The following CACNA1E variants were observed in gnomAD, a reference collection of about 807,000 sequenced individuals.
CACNA1E encodes calcium voltage-gated channel subunit alpha1 E.
In CACNA1E, 40 loss-of-function variants were observed where a neutral mutation model predicts 259.2. The ratio of observed to expected loss-of-function variants is 0.15; its 90% confidence interval spans 0.12 to 0.20. The LOEUF (loss-of-function observed/expected upper bound fraction) is 0.20, where lower values mean the gene tolerates loss of function less well. CACNA1E is among the 10% of genes least tolerant of loss of function. The probability of loss-of-function intolerance (pLI) is 1.00; values close to 1 mark genes in which losing one functional copy is unlikely to be tolerated. For missense variants in CACNA1E, 1,874 were observed against 3,040.1 expected (o/e 0.62, Z 9.02); for synonymous variants, 1,104 against 1,138.5 (o/e 0.97, Z 0.61).
At position 181,579,086 on chromosome 1, in the gene CACNA1E, T is replaced by C. The variant is rs1376508293; in HGVS notation, c.631T>C (p.Leu211=). ...CTTCCTTCTAGGCCTGCAGATTGTG[T>C]TGAAGTCCATCATGAAGGCCATGGT... ...VSGIPSLQIV[L]KSIMKAMVPL... Residue 211 remains leucine (L), a synonymous_variant, in exon 5 of 48, where the codon TTG becomes CTG. Transcript: ENST00000367573. 6 of 1,611,432 alleles carry C rather than the reference T, an allele frequency of 3.7e-6. No homozygotes were observed. The highest frequency in any genetic ancestry group is 5.1e-6 in the Non-Finnish European group (6 of 1,178,764).
intron 35 of CACNA1E, among the ~76,000 whole-genome samples, chr1:181,767,846 A>T (rs1490239846): frequency 6.6e-6 from 1 of 152,256 alleles, no homozygotes; most frequent in Non-Finnish European, 1.5e-5. Context: ...TGTAACGTTC[A>T]TGAAGTCCTG....
chr1:181,625,042 G>A (rs1656055097), intron 6 of CACNA1E, among the ~76,000 whole-genome samples: 1 of 120,824 alleles, frequency 8.3e-6, no homozygotes, highest in Non-Finnish European at 1.6e-5. Flanking sequence ...TATTTTGAAA[G>A]GAATCTTTTT....
chr1:181,512,432 A>G (rs941320519), intron 3 of CACNA1E, among the ~76,000 whole-genome samples: 1 of 152,088 alleles, frequency 6.6e-6, no homozygotes, highest in African/African-American at 2.4e-5. Flanking sequence ...AAAAGAAGAG[A>G]GTGACTTAGA....
chr1:181,713,357 G>A (rs937813382), intron 8 of CACNA1E, among the ~76,000 whole-genome samples: 4 of 152,188 alleles, frequency 2.6e-5, no homozygotes, highest in Non-Finnish European at 4.4e-5. Flanking sequence ...CTCCAAACAC[G>A]TGCTATAAAA....
chr1:181,703,302 C>T lies in CACNA1E; in HGVS notation c.1056-7652C>T, dbSNP rs1296279018. 2.6e-5 allele frequency among the ~76,000 whole-genome samples: 4 copies of T among 152,170 alleles called. No individual in the cohort carries two copies. The South Asian group carries it at 8.3e-4, about 32-fold the overall frequency. Reference sequence around the variant, plus strand: ...TACCTTGCACATTCTATCATTTAATCCTCACAACAACCTTTTGAGATAGGT... The same window carrying T: ...TACCTTGCACATTCTATCATTTAATTCTCACAACAACCTTTTGAGATAGGT... On this transcript the variant is annotated intron_variant, in intron 7 of 47. Transcript: ENST00000367573.
intron 3 of CACNA1E, among the ~76,000 whole-genome samples, chr1:181,536,530 A>C (rs1237867044): frequency 3.3e-5 from 5 of 152,190 alleles, no homozygotes; most frequent in Non-Finnish European, 7.4e-5. Context: ...ATATGTCTTC[A>C]TTCTCATTGA....
chr1:181,375,474 G>A (rs1472200181), intron 1 of CACNA1E, among the ~76,000 whole-genome samples: 1 of 152,150 alleles, frequency 6.6e-6, no homozygotes, highest in African/African-American at 2.4e-5. Flanking sequence ...ACTTGAGCTG[G>A]TTCCTGGAGG....
intron 2 of CACNA1E, among the ~76,000 whole-genome samples, chr1:181,466,019 A>G (rs1001356677): frequency 6.6e-6 from 1 of 152,176 alleles, no homozygotes; most frequent in Non-Finnish European, 1.5e-5. Context: ...CCATAAATCC[A>G]TGTCACACAC....
chr1:181,465,472 C>A (rs1000881728), intron 2 of CACNA1E, among the ~76,000 whole-genome samples: 8 of 152,030 alleles, frequency 5.3e-5, no homozygotes, highest in Non-Finnish European at 8.8e-5. Context: ...TATTTTGGGT[C>A]TCTTCATTCT....
At chr1:181,729,117 T>A (rs1256054303) in intron 18 of CACNA1E, among the ~76,000 whole-genome samples, 1 of 125,238 alleles carries the variant, frequency 8.0e-6, no homozygotes, top group Non-Finnish European at 1.7e-5. Context: ...CGGGTGTGTG[T>A]GCCCTGCTCA....
chr1:181,505,472 C>T (rs758550870), intron 1 of CACNA1E, among the ~76,000 whole-genome samples: 16 of 152,114 alleles, frequency 1.1e-4, no homozygotes, highest in Admixed American at 7.2e-4. Flanking sequence ...CCCAGGTTCA[C>T]GCCATTCTCC....
intron 7 of CACNA1E, among the ~76,000 whole-genome samples, chr1:181,691,760 A>C (rs2102325572): frequency 6.6e-6 from 1 of 152,312 alleles, no homozygotes; most frequent in South Asian, 2.1e-4. Context: ...AACTGATACA[A>C]GACAAGGATG....
chr1:181,641,703 G>GTTTTT lies in CACNA1E; in HGVS notation c.952-9611_952-9607dup, dbSNP rs751082929. Among the ~76,000 whole-genome samples, 731 of 81,084 alleles carry GTTTTT rather than the reference G, an allele frequency of 9.0e-3. 81 individuals are homozygous for GTTTTT. The highest frequency in any genetic ancestry group is 0.013 in the Non-Finnish European group (540 of 40,394). The allele number at this position is 81,084 out of a possible 152,430, so 53.2% of individuals were successfully genotyped here. A position where few individuals can be genotyped will look rare whatever the true frequency, so the allele number is the denominator to read the frequency against. ...GATCATGAGGCAACACTAATTTTTTGTTTTTTTTTTTTTTTTTTTTTTTTT... is the reference window on the plus strand; with the variant it reads ...GATCATGAGGCAACACTAATTTTTTGTTTTTTTTTTTTTTTTTTTTTTTTTTTTTT... On this transcript the variant is annotated intron_variant, in intron 6 of 47. Coordinates refer to ENST00000367573, the MANE Select transcript of CACNA1E (RefSeq NM_001205293.3).
chr1:181,634,910 G>A (rs928908726), intron 6 of CACNA1E, among the ~76,000 whole-genome samples: 5 of 152,094 alleles, frequency 3.3e-5, no homozygotes, highest in African/African-American at 9.7e-5. Flanking sequence ...CTGCCTCTAC[G>A]ATGGGCTCTC....
chr1:181,490,543 GTTTTTT>G (rs34093740), intron 1 of CACNA1E, among the ~76,000 whole-genome samples: 2 of 125,288 alleles, frequency 1.6e-5, no homozygotes, highest in East Asian at 2.4e-4. Context: ...TGCCAAGCAT[GTTTTTT>G]TTTTTTTTTT....
chr1:181,359,291 G>C (rs1242627032), intron 1 of CACNA1E, among the ~76,000 whole-genome samples: 1 of 152,182 alleles, frequency 6.6e-6, no homozygotes. Context: ...CATGCTAAGG[G>C]AACAGAGGGG....
At chr1:181,737,783 C>T (rs1656188721) in intron 23 of CACNA1E, 129 bp downstream of exon 23, 1 of 1,264,252 alleles carries the variant, frequency 7.9e-7, no homozygotes, top group South Asian at 1.4e-5. Flanking sequence ...TTGTCCACTC[C>T]TGTTCCTCAG....
intron 3 of CACNA1E, among the ~76,000 whole-genome samples, chr1:181,574,933 G>A (rs1296199019): frequency 6.6e-6 from 1 of 152,018 alleles, no homozygotes; most frequent in Non-Finnish European, 1.5e-5. Flanking sequence ...GCTGAGGCAA[G>A]AGAATCGCTT....
At chr1:181,542,215 A>C (rs1280219131) in intron 3 of CACNA1E, among the ~76,000 whole-genome samples, 2 of 152,154 alleles carry the variant, frequency 1.3e-5, no homozygotes, top group African/African-American at 4.8e-5. Context: ...CAACCTCATG[A>C]GAGATCTTGA....
Sources: allele counts gnomAD v4.1 joint callset (sites outside exome capture counted in the v4.1 genomes callset), GRCh38; gene constraint gnomAD v4.1.1; transcripts MANE v1.5; gene names NCBI Gene and HGNC (gene_info 2026-07-23, HGNC 2026-07-21).